The following ANKRD30A variants were observed in gnomAD, a reference collection of about 807,000 sequenced individuals.
ANKRD30A encodes ankyrin repeat domain-containing protein 30A.
A neutral mutation model predicts 166.3 loss-of-function variants in ANKRD30A; 170 were observed. That is an observed-to-expected ratio of 1.02 (90% CI 0.90 to 1.16). The LOEUF (loss-of-function observed/expected upper bound fraction) is 1.16, where lower values mean the gene tolerates loss of function less well. ANKRD30A is among the 50% of genes most tolerant of loss of function. ANKRD30A has a pLI of 0.00. For synonymous variants in ANKRD30A, 564 were observed against 508.9 expected (o/e 1.11, Z -1.46); for missense variants, 1,630 against 1,518.0 (o/e 1.07, Z -1.23).
In ANKRD30A at chr10:37,142,053, G is replaced by C; in HGVS notation, c.1156G>C (p.Glu386Gln). The change falls in exon 7 of 36, where the codon GAG becomes CAG. Residue 386 changes from glutamate to glutamine, a missense_variant. Around this residue, in one of 4 missense-constraint regions of ANKRD30A, gnomAD observed 904 missense variants for 818.5 expected, o/e 1.10. Coordinates refer to ENST00000361713, the MANE Select transcript of ANKRD30A (RefSeq NM_052997.3). ...AGGAAGACCTAGGAAGATCGCATGG[G>C]AGAAAAAAGAAGACACACCTAGGGA... The part of the protein sequence containing the change: ...AKGRPRKIAW[E>Q]KKEDTPREIM... 1 of 1,606,996 alleles carries C rather than the reference G, an allele frequency of 6.2e-7. No homozygotes were observed. Among genetic ancestry groups the C allele is most frequent in the Non-Finnish European group, 8.5e-7 (1 of 1,177,510 alleles).
At chr10:37,201,179 A>C (rs1020082798) in intron 30 of ANKRD30A, 56 bp from the exon 31 acceptor site, 32 of 1,346,138 alleles carry the variant, frequency 2.4e-5, no homozygotes, top group African/African-American at 9.2e-5. Flanking sequence ...AATTTTGATA[A>C]TCTTCATTAT....
intron 31 of ANKRD30A, among the ~76,000 whole-genome samples, chr10:37,202,534 A>G (rs904918300): frequency 6.6e-6 from 1 of 152,222 alleles, no homozygotes. Flanking sequence ...AAGAGAAAGC[A>G]GGAAAGATCT....
chr10:37,260,072 C>T, the ANKRD30A span, among the ~76,000 whole-genome samples: 37 of 150,800 alleles, frequency 2.5e-4, no homozygotes, highest in African/African-American at 6.6e-4. Context: ...TATGGATACC[C>T]GGGGGGTGGT....
intron 17 of ANKRD30A, 129 bp from the exon 18 acceptor site, chr10:37,164,965 A>G: frequency 1.0e-6 from 1 of 962,584 alleles, no homozygotes; most frequent in Non-Finnish European, 1.6e-6. Context: ...CATTGTAATC[A>G]ACAAAAAGAA....
At chr10:37,236,143 G>T (rs1009838764), downstream of ANKRD30A, among the ~76,000 whole-genome samples, 3 of 152,110 alleles carry the variant, frequency 2.0e-5, no homozygotes, top group African/African-American at 7.2e-5. Flanking sequence ...ACAAAGTCAA[G>T]GAAGTAGGAA....
At chr10:37,162,970 C>T in intron 17 of ANKRD30A, 122 bp downstream of exon 17, 1 of 1,241,418 alleles carries the variant, frequency 8.1e-7, no homozygotes, top group African/African-American at 1.5e-5. Context: ...CTAGATAATG[C>T]CAATACTGGT....
intron 15 of ANKRD30A, among the ~76,000 whole-genome samples, chr10:37,162,315 TAA>T (rs1838971036): frequency 1.3e-5 from 2 of 152,154 alleles, no homozygotes; most frequent in Admixed American, 1.3e-4. Flanking sequence ...TGGAATAATA[TAA>T]GTGATTCTAA....
At chr10:37,150,708 A>G (rs905271604) in intron 11 of ANKRD30A, among the ~76,000 whole-genome samples, 1 of 152,120 alleles carries the variant, frequency 6.6e-6, no homozygotes, top group African/African-American at 2.4e-5. Flanking sequence ...GGTTGTTTAT[A>G]AAATTCCATT....
At chr10:37,205,866 G>A (rs1272338982) in intron 31 of ANKRD30A, among the ~76,000 whole-genome samples, 4 of 152,178 alleles carry the variant, frequency 2.6e-5, no homozygotes, top group African/African-American at 9.7e-5. Context: ...GCTGATGCTG[G>A]TGGTTCTTGG....
At chr10:37,202,253 C>T (rs896527913) in intron 31 of ANKRD30A, among the ~76,000 whole-genome samples, 2 of 152,094 alleles carry the variant, frequency 1.3e-5, no homozygotes. Context: ...CAGTCCTCAG[C>T]AAATGTAAAA....
chr10:37,150,913 C>T (rs1837886969), intron 11 of ANKRD30A, among the ~76,000 whole-genome samples: 1 of 151,884 alleles, frequency 6.6e-6, no homozygotes, highest in Non-Finnish European at 1.5e-5. Flanking sequence ...GAACTGTGCC[C>T]CACAGCTTCT....
At chr10:37,139,288 C>A (rs1017661203) in intron 6 of ANKRD30A, among the ~76,000 whole-genome samples, 33 of 152,272 alleles carry the variant, frequency 2.2e-4, no homozygotes, top group Admixed American at 3.9e-4. Context: ...GCAAGGATTC[C>A]GAGCTGATTA....
At chr10:37,223,012 A>G (rs1412446987) in intron 34 of ANKRD30A, among the ~76,000 whole-genome samples, 2 of 151,442 alleles carry the variant, frequency 1.3e-5, no homozygotes, top group Non-Finnish European at 3.0e-5. Context: ...TGACATAATA[A>G]AGTTTTATTT....
chr10:37,165,869 AC>A (rs927937454), intron 18 of ANKRD30A, among the ~76,000 whole-genome samples: 1 of 152,100 alleles, frequency 6.6e-6, no homozygotes, highest in Non-Finnish European at 1.5e-5. Flanking sequence ...CCTCTTAGAA[AC>A]AAGCAGCTGC....
chr10:37,142,145 G>T lies in ANKRD30A; in HGVS notation c.1248G>T (p.Lys416Asn). Residue 416 changes from lysine to asparagine, a missense_variant, in exon 7 of 36, where the codon AAG (lysine) becomes AAT (asparagine). By Grantham distance (94) the Lys-to-Asn change is moderately conservative (BLOSUM62 0). Around this residue, in one of 4 missense-constraint regions of ANKRD30A, gnomAD observed 904 missense variants for 818.5 expected, o/e 1.10. Coordinates refer to ENST00000361713, the MANE Select transcript of ANKRD30A (RefSeq NM_052997.3). ...FTWAAKGRPR[K>N]IAWEKKETPV... ...GGGCAGCAAAAGGAAGACCTAGGAA[G>T]ATCGCATGGGAGAAAAAAGAAACAC... is the stretch of plus-strand genomic sequence containing the variant. The T allele has an allele frequency of 6.2e-7, 1 of 1,614,092 alleles. No individual in the cohort carries two copies. Among genetic ancestry groups the T allele is most frequent in the South Asian group, 1.1e-5 (1 of 91,064 alleles).
chr10:37,263,447 A>G, the ANKRD30A span, among the ~76,000 whole-genome samples: 10 of 151,798 alleles, frequency 6.6e-5, no homozygotes, highest in African/African-American at 2.2e-4. Flanking sequence ...ACAACTCACC[A>G]TAATACAGAA....
At chr10:37,191,337 A>C (rs1311585218) in intron 25 of ANKRD30A, among the ~76,000 whole-genome samples, 2 of 152,008 alleles carry the variant, frequency 1.3e-5, no homozygotes, top group Non-Finnish European at 2.9e-5. Flanking sequence ...TCAATTCATA[A>C]CACTTTTTCT....
rs1329578657 is a variant in ANKRD30A, at chr10:37,217,895, T to C, written c.3267+17T>C. On this transcript the variant is annotated intron_variant, in intron 33 of 35. Transcript: ENST00000361713. ...TTGAATCAGGTAAATCAATCTCTGA[T>C]AAAAATTTTATATTTCTAACTTTAT... is the stretch of plus-strand genomic sequence containing the variant. 6.8e-7 allele frequency: 1 copy of C among 1,479,844 alleles called. No homozygotes were observed. Among genetic ancestry groups the C allele is most frequent in the East Asian group, 2.5e-5 (1 of 40,148 alleles). The allele number at this position is 1,479,844 out of a possible 1,614,324, so 91.7% of individuals were successfully genotyped here.
chr10:37,138,962 A>T (rs185884250), intron 6 of ANKRD30A, among the ~76,000 whole-genome samples: 137 of 152,340 alleles, frequency 9.0e-4, no homozygotes, highest in African/African-American at 3.1e-3. Context: ...AAAAATGTCA[A>T]GGGCAGCCAG....
Sources: gnomAD v4.1 joint callset for allele counts (sites outside exome capture counted in the v4.1 genomes callset) on GRCh38, gnomAD v4.1.1 for gene constraint, gnomAD v4.1.1 regional missense constraint, MANE v1.5 for transcripts, NCBI Gene and HGNC (gene_info 2026-07-23, HGNC 2026-07-21) for gene names.